The following ZAN variants were observed in gnomAD, a reference collection of about 807,000 sequenced individuals.
ZAN encodes the protein zonadhesin (gene/pseudogene).
In ZAN, 260 loss-of-function variants were observed where a neutral mutation model predicts 286.2. The observed-to-expected ratio is 0.91, with a 90% CI of 0.82 to 1.01. The LOEUF (loss-of-function observed/expected upper bound fraction) is 1.01, where lower values mean the gene tolerates loss of function less well. Ranked by LOEUF, ZAN falls within the 50% of genes least tolerant of loss-of-function variation. The pLI is 0.00. For missense variants in ZAN, 3,410 were observed against 3,639.2 expected (o/e 0.94, Z 1.62); for synonymous variants, 1,368 against 1,417.5 (o/e 0.97, Z 0.79).
intron 14 of ZAN, among the ~76,000 whole-genome samples, chr7:100,754,169 G>A (rs1420796877): frequency 6.6e-6 from 1 of 152,012 alleles, no homozygotes; most frequent in Non-Finnish European, 1.5e-5. Context: ...TTTAAAAAAA[G>A]TATTTCTGGC....
chr7:100,765,216 T>G (rs751627884), intron 22 of ZAN, 136 bp from the exon 23 acceptor site: 3 of 1,040,098 alleles, frequency 2.9e-6, no homozygotes, highest in Non-Finnish European at 4.1e-6. Flanking sequence ...TTGGGGAAGC[T>G]TCTCACAGTC....
At chr7:100,776,724 T>TTTTTTG (rs1810837565) in intron 34 of ZAN, among the ~76,000 whole-genome samples, 160 bp downstream of exon 34, 1 of 91,932 alleles carries the variant, frequency 1.1e-5, no homozygotes, top group Non-Finnish European at 2.2e-5. Context: ...CTTTCTTTTT[T>TTTTTTG]TTTTTTTTTT....
chr7:100,793,501 A>G (rs1460641768), intron 42 of ZAN, among the ~76,000 whole-genome samples: 2 of 151,964 alleles, frequency 1.3e-5, no homozygotes, highest in Non-Finnish European at 2.9e-5. Flanking sequence ...GTGCAGTGGC[A>G]TGATCTCGGC....
At position 100,758,350 on chromosome 7, in the gene ZAN, G is replaced by A. The variant is rs1474173900; in HGVS notation, c.3451+7G>A. Reference sequence around the variant, plus strand: ...TATGGATGCCACCCCTACGGTGAGAGCCCCTCCCCATGCTGTCCCTGCCTG... The same window carrying A: ...TATGGATGCCACCCCTACGGTGAGAACCCCTCCCCATGCTGTCCCTGCCTG... On this transcript the variant is annotated splice_region_variant and intron_variant, in intron 16 of 47. Transcript: ENST00000613979. 1 of 1,610,896 alleles carries A rather than the reference G, an allele frequency of 6.2e-7. No homozygotes were observed. The highest frequency in any genetic ancestry group is 8.5e-7 in the Non-Finnish European group (1 of 1,178,574).
chr7:100,737,386 C>T (rs780711175), intron 6 of ZAN, 37 bp downstream of exon 6: 1 of 1,295,930 alleles, frequency 7.7e-7, no homozygotes, highest in East Asian at 2.6e-5. Flanking sequence ...GCCCTCGGAC[C>T]CTTTTCTCTC....
At chr7:100,773,196 T>C (rs1169203647) in intron 29 of ZAN, 89 bp from the exon 30 acceptor site, 2 of 1,453,406 alleles carry the variant, frequency 1.4e-6, no homozygotes, top group Non-Finnish European at 1.9e-6. Flanking sequence ...GAGCTACCGC[T>C]CCTGGCCACT....
At position 100,795,208 on chromosome 7, in the gene ZAN, T is replaced by G. The variant is rs933575868; in HGVS notation, c.8138T>G (p.Leu2713Arg). Residue 2713 changes from leucine (L) to arginine (R), a missense_variant, in exon 45 of 48, where the codon CTG (leucine) becomes CGG (arginine). Physicochemically the swap from Leu to Arg is moderately radical, Grantham distance 102. Transcript: ENST00000613979. ...TQGCFPESPC[L>R]QNPCQNDGQC... ...TCTGTCCTTGCAGAAAGCCCGTGTC[T>G]GCAGAACCCCTGTCAGAATGACGGG... 1 of 1,609,492 alleles carries G rather than the reference T, an allele frequency of 6.2e-7. No individual in the cohort carries two copies. Among genetic ancestry groups the G allele is most frequent in the African/African-American group, 1.3e-5 (1 of 74,548 alleles).
In ZAN at chr7:100,755,407, T is replaced by A; in HGVS notation, c.3306T>A (p.Tyr1102Ter). 1 of 1,613,192 alleles carries A rather than the reference T, an allele frequency of 6.2e-7. No individual in the cohort carries two copies. Among genetic ancestry groups the A allele is most frequent in the Non-Finnish European group, 8.5e-7 (1 of 1,179,582 alleles). The change falls in exon 15 of 48, where the codon TAT becomes TAA. Residue 1102 changes from tyrosine to a stop codon, truncating the protein, a stop_gained. Coordinates refer to ENST00000613979, the MANE Select transcript of ZAN (RefSeq NM_003386.3). LOFTEE classifies it high-confidence loss of function. Reference sequence around the variant, plus strand: ...ATTGCTTCTACAACAACGACTACTATGAGGTAAGCCCCCCGGGATGCTGGG... The same window carrying A: ...ATTGCTTCTACAACAACGACTACTAAGAGGTAAGCCCCCCGGGATGCTGGG... ...SCNCFYNNDY[Y>*]EPGAEWFSPN...
intron 20 of ZAN, among the ~76,000 whole-genome samples, chr7:100,762,609 G>C (rs1304616483): frequency 6.6e-6 from 1 of 151,714 alleles, no homozygotes; most frequent in Non-Finnish European, 1.5e-5. Flanking sequence ...TATTTTTGTA[G>C]AGATGGGGTT....
intron 15 of ZAN, among the ~76,000 whole-genome samples, chr7:100,757,919 TAA>T (rs76692637): frequency 4.4e-4 from 46 of 104,948 alleles, no homozygotes; most frequent in Admixed American, 2.0e-3. Flanking sequence ...TCCAAAACGT[TAA>T]AAAAAAAAAA....
intron 35 of ZAN, among the ~76,000 whole-genome samples, chr7:100,783,290 A>C (rs1163515222): frequency 6.6e-6 from 1 of 152,052 alleles, no homozygotes; most frequent in Non-Finnish European, 1.5e-5. Context: ...TAAATGAATA[A>C]ATAAAATAAA....
At chr7:100,789,484 A>T in intron 39 of ZAN, 137 bp downstream of exon 39, 1 of 1,399,012 alleles carries the variant, frequency 7.1e-7, no homozygotes, top group East Asian at 2.3e-5. Context: ...GAGGACCAGG[A>T]GGAGGTGAGG....
chr7:100,762,323 G>C lies in ZAN; in HGVS notation c.3951G>C (p.Gly1317=). The C allele has an allele frequency of 6.2e-7, 1 of 1,613,400 alleles. No homozygotes were observed. The highest frequency in any genetic ancestry group is 8.5e-7 in the Non-Finnish European group (1 of 1,179,648). Residue 1317 remains glycine (G), a synonymous_variant, in exon 20 of 48, where the codon GGG becomes GGC. Coordinates refer to ENST00000613979, the MANE Select transcript of ZAN (RefSeq NM_003386.3). ...CAGCAGGAGACAAGGAGGAGCTGGG[G>C]AACAGCTGGCAGACGGACCAGGACG... is the stretch of plus-strand genomic sequence containing the variant. ...GSPAGDKEEL[G]NSWQTDQDED...
Position 100,736,832 on chromosome 7 carries a change from T to A in ZAN, c.277T>A (p.Ser93Thr). 8.8e-6 allele frequency: 13 copies of A among 1,480,370 alleles called. 2 individuals are homozygous for A. Among genetic ancestry groups the A allele is most frequent in the Non-Finnish European group, 1.2e-5 (13 of 1,086,150 alleles). The allele number at this position is 1,480,370 out of a possible 1,614,324, so 91.7% of individuals were successfully genotyped here. A position where few individuals can be genotyped will look rare whatever the true frequency, so the allele number is the denominator to read the frequency against. Reference protein sequence around the residue: ...NGEGSYLHMESNSFHRGGVAR... With the variant: ...NGEGSYLHMETNSFHRGGVAR... ...AGAGGGCAGCTATCTGCATATGGAA[T>A]CGAACAGCTTCCACCGTGGGGGAGT... Residue 93 changes from serine (S) to threonine (T), a missense_variant, in exon 5 of 48, where the codon TCG becomes ACG. Ser to Thr is a moderately conservative substitution (Grantham distance 58). Coordinates refer to ENST00000613979, the MANE Select transcript of ZAN (RefSeq NM_003386.3).
At chr7:100,777,045 TC>T (rs1291563342) in intron 34 of ZAN, among the ~76,000 whole-genome samples, 1 of 126,726 alleles carries the variant, frequency 7.9e-6, no homozygotes, top group African/African-American at 2.6e-5. Flanking sequence ...CTCCTTTCTT[TC>T]GTTCTTTTTT....
chr7:100,760,587 CCTGCTGCCT>C (rs1440847607), intron 19 of ZAN, 51 bp downstream of exon 19: 2 of 1,603,406 alleles, frequency 1.2e-6, no homozygotes, highest in African/African-American at 2.7e-5. Context: ...GCTGCCTCTT[CCTGCTGCCT>C]CTTCTTCCTG....
In ZAN at chr7:100,755,427, G is replaced by A; in HGVS notation, c.3309+17G>A. 2 of 1,609,426 alleles carry A rather than the reference G, an allele frequency of 1.2e-6. No individual in the cohort carries two copies. The highest frequency in any genetic ancestry group is 1.7e-6 in the Non-Finnish European group (2 of 1,177,480). ...TACTATGAGGTAAGCCCCCCGGGAT[G>A]CTGGGGTCCCATGAGGGAGATTGAT... is the stretch of plus-strand genomic sequence containing the variant. On this transcript the variant is annotated intron_variant, in intron 15 of 47. Coordinates refer to ENST00000613979, the MANE Select transcript of ZAN (RefSeq NM_003386.3).
chr7:100,760,895 C>T, intron 19 of ZAN, among the ~76,000 whole-genome samples: 1 of 151,900 alleles, frequency 6.6e-6, no homozygotes, highest in South Asian at 2.1e-4. Flanking sequence ...AAGCAAGATT[C>T]TTCTTCTTCT....
intron 31 of ZAN, among the ~76,000 whole-genome samples, 160 bp from the exon 32 acceptor site, chr7:100,775,168 C>A (rs1226069971): frequency 6.6e-5 from 10 of 152,066 alleles, no homozygotes; most frequent in Non-Finnish European, 1.0e-4. Flanking sequence ...CCACCTTGGC[C>A]TCCCAAAGTG....
Sources: gnomAD v4.1 joint callset for allele counts (sites outside exome capture counted in the v4.1 genomes callset) on GRCh38, gnomAD v4.1.1 for gene constraint, MANE v1.5 for transcripts, NCBI Gene and HGNC (gene_info 2026-07-23, HGNC 2026-07-21) for gene names.